PBX1: variants seen among roughly 807,000 people sequenced by gnomAD.
PBX1 encodes the protein PBX homeobox 1.
A neutral mutation model predicts 53.4 loss-of-function variants in PBX1; 6 were observed. The ratio of observed to expected loss-of-function variants is 0.11; its 90% CI spans 0.06 to 0.22. The LOEUF (loss-of-function observed/expected upper bound fraction) is 0.22. PBX1 is among the 10% of genes least tolerant of loss of function. The pLI is 1.00. For synonymous variants in PBX1, 204 were observed against 212.3 expected (o/e 0.96, Z 0.34); for missense variants, 251 against 551.4 (o/e 0.46, Z 5.46).
intron 2 of PBX1, among the ~76,000 whole-genome samples, chr1:164,592,704 G>C (rs979903490): frequency 6.6e-6 from 1 of 152,204 alleles, no homozygotes; most frequent in Non-Finnish European, 1.5e-5. Context: ...CATGTGGCCA[G>C]CCAGGTGTCA....
Position 164,848,699 on chromosome 1 carries a change from A to T in PBX1, c.*2023A>T, listed in dbSNP as rs552480658. 3.8e-6 allele frequency: 4 copies of T among 1,056,350 alleles called. No homozygotes were observed. The highest frequency in any genetic ancestry group is 4.6e-5 in the South Asian group (1 of 21,900). The allele number at this position is 1,056,350 out of a possible 1,614,324, so 65.4% of individuals were successfully genotyped here. On this transcript the variant is annotated 3_prime_UTR_variant, in exon 9 of 9. Coordinates refer to ENST00000420696, the MANE Select transcript of PBX1 (RefSeq NM_002585.4). The stretch of plus-strand genomic sequence containing the variant: ...TTGAACCCAATATGTTGCCTTGTAC[A>T]TACTTGGTCCCTGTCACATTGACTG...
intron 2 of PBX1, among the ~76,000 whole-genome samples, chr1:164,712,785 G>A (rs773655310): frequency 2.6e-5 from 4 of 152,172 alleles, no homozygotes; most frequent in South Asian, 2.1e-4. Context: ...TGCCTGTTCC[G>A]TTCAGCGTCT....
At chr1:164,731,119 C>T (rs1407846796) in intron 2 of PBX1, among the ~76,000 whole-genome samples, 2 of 152,066 alleles carry the variant, frequency 1.3e-5, no homozygotes, top group African/African-American at 4.8e-5. Flanking sequence ...ACACTTGTAT[C>T]TGTGTTTCTG....
chr1:164,857,527 C>T lies in PBX1; in HGVS notation n.257+26044C>T, dbSNP rs570746955. Among the ~76,000 whole-genome samples, 719 of 152,282 alleles carry T rather than the reference C, an allele frequency of 4.7e-3. 4 individuals are homozygous for T. The highest frequency in any genetic ancestry group is 6.8e-3 in the Non-Finnish European group (460 of 68,028). ...AGGCATTGGTGACGCAGGCTATAGC[C>T]TCTTACCCAGGAATTGTGGGGTGGG... On this transcript the variant is annotated intron_variant and non_coding_transcript_variant, in intron 2 of 2. Coordinates refer to the PBX1 transcript ENST00000558796.
At chr1:164,786,720 T>TGTGTGTGTGTGTGTGTGTGTGCGCGC (rs1357886882) in intron 2 of PBX1, among the ~76,000 whole-genome samples, 1 of 116,256 alleles carries the variant, frequency 8.6e-6, no homozygotes, top group African/African-American at 3.5e-5. Flanking sequence ...TGTGTGTGTG[T>TGTGTGTGTGTGTGTGTGTGTGCGCGC]GCGCGCGCAC....
intron 2 of PBX1, among the ~76,000 whole-genome samples, chr1:164,620,476 A>G (rs1314926360): frequency 6.7e-6 from 1 of 149,932 alleles, no homozygotes; most frequent in East Asian, 2.1e-4. Context: ...ATTTGTGAGT[A>G]TGTGGGTGTG....
chr1:164,676,119 G>A (rs1661421424), intron 2 of PBX1, among the ~76,000 whole-genome samples: 2 of 152,178 alleles, frequency 1.3e-5, no homozygotes, highest in South Asian at 4.1e-4. Flanking sequence ...GTGCAAGAAG[G>A]AAATGGAGGC....
chr1:164,594,778 C>T (rs1571295771), intron 2 of PBX1, among the ~76,000 whole-genome samples: 2 of 152,230 alleles, frequency 1.3e-5, no homozygotes, highest in East Asian at 3.9e-4. Flanking sequence ...CACTATTTTG[C>T]ATGTATTTTA....
chr1:164,882,952 T>C (rs1672696068), intron 2 of PBX1, among the ~76,000 whole-genome samples: 1 of 152,222 alleles, frequency 6.6e-6, no homozygotes, highest in African/African-American at 2.4e-5. Flanking sequence ...TTTCTCTTCC[T>C]CAAGCTCTAG....
chr1:164,625,054 A>G (rs953585848), intron 2 of PBX1, among the ~76,000 whole-genome samples: 3 of 152,222 alleles, frequency 2.0e-5, no homozygotes, highest in Non-Finnish European at 4.4e-5. Context: ...AGTTTTCATG[A>G]AGAACATGTT....
At chr1:164,710,182 C>A (rs1663672212) in intron 2 of PBX1, among the ~76,000 whole-genome samples, 1 of 152,202 alleles carries the variant, frequency 6.6e-6, no homozygotes, top group South Asian at 2.1e-4. Context: ...ATCATCCTTT[C>A]TCTGCAGAAT....
intron 8 of PBX1, among the ~76,000 whole-genome samples, chr1:164,835,464 A>G (rs1007855539): frequency 6.6e-6 from 1 of 152,082 alleles, no homozygotes; most frequent in Non-Finnish European, 1.5e-5. Context: ...GGTAGTTTCC[A>G]TTTCCTCACA....
rs71583414 is a variant in PBX1 at position 164,603,929 on chromosome 1, A to ATTTTTTTTTTTTT, written c.265+40639_265+40651dup. On this transcript the variant is annotated intron_variant, in intron 2 of 8. Coordinates refer to ENST00000420696, the MANE Select transcript of PBX1 (RefSeq NM_002585.4). ...GACACTCTGTACATTATGTCATTTC[A>ATTTTTTTTTTTTT]TTTTTTTTTTTTTTTTTTTTTTTTT... Among the ~76,000 whole-genome samples, 140 of 75,746 alleles carry ATTTTTTTTTTTTT rather than the reference A, an allele frequency of 1.8e-3. 33 individuals are homozygous for ATTTTTTTTTTTTT. The highest frequency in any genetic ancestry group is 0.01 in the Middle Eastern group (1 of 98). The allele number at this position is 75,746 out of a possible 152,430, so 49.7% of individuals were successfully genotyped here. A position where few individuals can be genotyped will look rare whatever the true frequency, so the allele number is the denominator to read the frequency against.
At chr1:164,617,588 T>C (rs1328265029) in intron 2 of PBX1, among the ~76,000 whole-genome samples, 1 of 152,214 alleles carries the variant, frequency 6.6e-6, no homozygotes, top group Non-Finnish European at 1.5e-5. Flanking sequence ...AGGTTTAATA[T>C]GTTAATGTGT....
rs551220070 is a variant in PBX1 at position 164,760,949 on chromosome 1, A to G, written c.266-31545A>G. On this transcript the variant is annotated intron_variant, in intron 2 of 8. Coordinates refer to ENST00000420696, the MANE Select transcript of PBX1 (RefSeq NM_002585.4). ...AGCCAAATGTATAATCATTGTTGTT[A>G]TTTTTGGATACTTTCTTTCCTCTCA... Among the ~76,000 whole-genome samples, 14 of 152,248 alleles carry G rather than the reference A, an allele frequency of 9.2e-5. 1 individual carries two copies. The East Asian group carries it at 2.7e-3, about 29-fold the overall frequency.
intron 2 of PBX1, among the ~76,000 whole-genome samples, chr1:164,582,976 ACT>A (rs1156917510): frequency 1.3e-5 from 2 of 152,140 alleles, no homozygotes; most frequent in Non-Finnish European, 2.9e-5. Flanking sequence ...GAATTGAAAC[ACT>A]GTTTTATCTG....
chr1:164,650,762 G>A (rs934294157), intron 2 of PBX1, among the ~76,000 whole-genome samples: 3 of 151,836 alleles, frequency 2.0e-5, no homozygotes, highest in Non-Finnish European at 4.4e-5. Context: ...CTGCTCTGCC[G>A]TCTAGTACAT....
chr1:164,787,970 C>T (rs763654673), intron 2 of PBX1, among the ~76,000 whole-genome samples: 5 of 152,108 alleles, frequency 3.3e-5, no homozygotes, highest in South Asian at 2.1e-4. Flanking sequence ...GGGTAGTGGA[C>T]GCGTCCGGGC....
rs553806955 is a variant in PBX1 at position 164,867,002 on chromosome 1, T to C, written n.258-32186T>C. ...ACATGGATTTCTAAGAAACCCTCTA[T>C]AGAGACTGGATTAAAGAGAAGGAGG... On this transcript the variant is annotated intron_variant and non_coding_transcript_variant, in intron 2 of 2. Transcript: ENST00000558796. 9.2e-5 allele frequency among the ~76,000 whole-genome samples: 14 copies of C among 152,214 alleles called. No homozygotes were observed. The East Asian group carries it at 2.3e-3, about 25-fold the overall frequency.
Sources: gnomAD v4.1 joint callset for allele counts (sites outside exome capture counted in the v4.1 genomes callset) on GRCh38, gnomAD v4.1.1 for gene constraint, MANE v1.5 for transcripts, NCBI Gene and HGNC (gene_info 2026-07-23, HGNC 2026-07-21) for gene names.